Variants in IMMP2L observed in about 807,000 individuals in gnomAD.
The protein encoded by IMMP2L is mitochondrial inner membrane protease subunit 2.
A neutral mutation model predicts 19.3 loss-of-function variants in IMMP2L; 18 were observed. The ratio of observed to expected loss-of-function variants is 0.93; its 90% CI spans 0.64 to 1.38. The LOEUF (loss-of-function observed/expected upper bound fraction) is 1.38. Among genes scored for constraint, IMMP2L ranks in the 40% most tolerant of loss-of-function variants. The probability of loss-of-function intolerance (pLI) is 0.00; values close to 1 mark genes in which losing one functional copy is unlikely to be tolerated. For missense variants in IMMP2L, 233 were observed against 218.2 expected (o/e 1.07, Z -0.43); for synonymous variants, 76 against 73.0 (o/e 1.04, Z -0.21).
intron 3 of IMMP2L, among the ~76,000 whole-genome samples, chr7:111,057,519 G>A (rs1040723306): frequency 6.6e-6 from 1 of 152,078 alleles, no homozygotes; most frequent in African/African-American, 2.4e-5. Context: ...TATGCCATGG[G>A]CATTTATTGT....
In IMMP2L at chr7:111,537,527, C is replaced by CT. The variant is rs5886594; in HGVS notation, c.-2-16079dup. Among the ~76,000 whole-genome samples, 233 of 78,602 alleles carry CT rather than the reference C, an allele frequency of 3.0e-3. 15 individuals carry two copies. Among genetic ancestry groups the CT allele is most frequent in the East Asian group, 4.2e-3 (13 of 3,092 alleles). The allele number at this position is 78,602 out of a possible 152,430, so 51.6% of individuals were successfully genotyped here. ...TAGATTCCTAGTCTCATCACTTCCA[C>CT]TTTTTTTTTTTTTTTTTTTTTTTTT... On this transcript the variant is annotated intron_variant, in intron 1 of 5. Coordinates refer to ENST00000405709, the MANE Select transcript of IMMP2L (RefSeq NM_032549.4).
intron 3 of IMMP2L, among the ~76,000 whole-genome samples, chr7:111,145,682 A>C (rs887514810): frequency 1.3e-5 from 2 of 152,122 alleles, no homozygotes; most frequent in Non-Finnish European, 2.9e-5. Context: ...CGTCAGGGTG[A>C]ATGCTGAGTC....
chr7:110,673,979 G>T (rs1371557240), intron 5 of IMMP2L, among the ~76,000 whole-genome samples: 1 of 151,930 alleles, frequency 6.6e-6, no homozygotes, highest in African/African-American at 2.4e-5. Flanking sequence ...TACTTTTTGG[G>T]GTATCTTTAA....
rs1824342319 is a variant in IMMP2L at position 111,318,470 on chromosome 7, T to C, written c.239+168768A>G. On this transcript the variant is annotated intron_variant, in intron 3 of 5. Coordinates refer to ENST00000405709, the MANE Select transcript of IMMP2L (RefSeq NM_032549.4). ...TGGGAAGCAACTCCCCAGGAAAAGA[T>C]TTTACCATAGAAATCATCATCATCA... Among the ~76,000 whole-genome samples the C allele has an allele frequency of 1.3e-5, 2 of 152,094 alleles. 1 individual carries two copies. Among genetic ancestry groups the C allele is most frequent in the South Asian group, 4.1e-4 (2 of 4,822 alleles).
intron 5 of IMMP2L, among the ~76,000 whole-genome samples, chr7:110,882,430 C>T (rs1022773438): frequency 2.0e-5 from 3 of 151,326 alleles, no homozygotes; most frequent in South Asian, 2.1e-4. Context: ...TCCCAGGCTC[C>T]GGTGCAATGG....
At chr7:111,126,757 A>G (rs1456133869) in intron 3 of IMMP2L, among the ~76,000 whole-genome samples, 1 of 152,168 alleles carries the variant, frequency 6.6e-6, no homozygotes. Flanking sequence ...TACAAAGCAA[A>G]CATTCTGAGA....
chr7:110,899,577 C>T (rs2129547056), intron 4 of IMMP2L, among the ~76,000 whole-genome samples: 1 of 152,216 alleles, frequency 6.6e-6, no homozygotes, highest in African/African-American at 2.4e-5. Context: ...TTGCTTCAGC[C>T]TACATGAACC....
At chr7:111,321,123 T>C (rs1322130608) in intron 3 of IMMP2L, among the ~76,000 whole-genome samples, 2 of 151,968 alleles carry the variant, frequency 1.3e-5, no homozygotes, top group African/African-American at 4.8e-5. Flanking sequence ...TGTCATAAAT[T>C]TCAGGGCAAT....
chr7:111,088,634 G>A (rs1412553767), intron 3 of IMMP2L, among the ~76,000 whole-genome samples: 1 of 152,152 alleles, frequency 6.6e-6, no homozygotes, highest in Non-Finnish European at 1.5e-5. Context: ...TGTGTGCTAA[G>A]ATTCCATGGT....
rs142555974 is a variant in IMMP2L at position 110,676,026 on chromosome 7, A to G, written c.409-12305T>C. Among the ~76,000 whole-genome samples the G allele has an allele frequency of 5.5e-3, 833 of 152,318 alleles. 7 individuals carry two copies. Among genetic ancestry groups the G allele is most frequent in the African/African-American group, 0.017 (721 of 41,566 alleles). The stretch of plus-strand genomic sequence containing the variant: ...CTGCAGTATAGATATTACTAATTGC[A>G]TTTTGCAAAAGAAAAAAATAAAGCT... On this transcript the variant is annotated intron_variant, in intron 5 of 5. Transcript: ENST00000405709.
At chr7:111,259,510 A>G (rs150889785) in intron 3 of IMMP2L, among the ~76,000 whole-genome samples, 1 of 152,198 alleles carries the variant, frequency 6.6e-6, no homozygotes, top group Non-Finnish European at 1.5e-5. Context: ...GTGGTGGCAC[A>G]TGCCTGTAGT....
intron 3 of IMMP2L, among the ~76,000 whole-genome samples, chr7:111,419,117 T>TA (rs1835231055): frequency 6.6e-6 from 1 of 151,878 alleles, no homozygotes. Flanking sequence ...ATTGCATTTA[T>TA]ATAATTGCCT....
chr7:111,329,361 T>A (rs966741196), intron 3 of IMMP2L, among the ~76,000 whole-genome samples: 1 of 151,866 alleles, frequency 6.6e-6, no homozygotes, highest in Non-Finnish European at 1.5e-5. Flanking sequence ...AAAGTACTTG[T>A]AAATATAAAT....
intron 3 of IMMP2L, among the ~76,000 whole-genome samples, chr7:111,095,676 C>A (rs1338418375): frequency 6.6e-6 from 1 of 151,988 alleles, no homozygotes; most frequent in East Asian, 1.9e-4. Flanking sequence ...TACAGAGACT[C>A]AGCTATTGAT....
intron 3 of IMMP2L, among the ~76,000 whole-genome samples, chr7:111,201,427 G>T (rs2129615486): frequency 6.6e-6 from 1 of 152,120 alleles, no homozygotes; most frequent in South Asian, 2.1e-4. Context: ...GTATTAAGAG[G>T]TGGAGCCTCT....
chr7:110,991,144 A>G (rs1822408616), intron 3 of IMMP2L, among the ~76,000 whole-genome samples: 1 of 152,170 alleles, frequency 6.6e-6, no homozygotes, highest in African/African-American at 2.4e-5. Flanking sequence ...TCTACAGAAG[A>G]TTAATAAATG....
rs1235090694 is a variant in IMMP2L, at chr7:111,269,411, C to T, written c.239+217827G>A. 2.0e-5 allele frequency among the ~76,000 whole-genome samples: 3 copies of T among 152,108 alleles called. No individual in the cohort carries two copies. In the East Asian group the frequency reaches 5.8e-4, roughly 29 times the overall value. ...ATCAAGTATATATCATCTTGAAAGA[C>T]ATGCAAGTATGCAAATAAATGTAAA... On this transcript the variant is annotated intron_variant, in intron 3 of 5. Transcript: ENST00000405709.
chr7:111,136,051 C>T (rs948622356), intron 3 of IMMP2L, among the ~76,000 whole-genome samples: 9 of 149,704 alleles, frequency 6.0e-5, no homozygotes, highest in South Asian at 2.1e-4. Context: ...TTTTTTGAGA[C>T]GGAGTCTTGC....
rs575116182 is a variant in IMMP2L at position 111,161,623 on chromosome 7, G to A, written c.240-198058C>T. On this transcript the variant is annotated intron_variant, in intron 3 of 5. Transcript: ENST00000405709. ...TGAATGTTTTAGGTATCCTATCATG[G>A]TATATTCAAATTTCACAAATGCTTC... 4.6e-5 allele frequency among the ~76,000 whole-genome samples: 7 copies of A among 151,954 alleles called. No homozygotes were observed. The South Asian group carries it at 1.0e-3, about 23-fold the overall frequency.
Sources: gnomAD v4.1 joint callset for allele counts (sites outside exome capture counted in the v4.1 genomes callset) on GRCh38, gnomAD v4.1.1 for gene constraint, MANE v1.5 for transcripts, NCBI Gene and HGNC (gene_info 2026-07-23, HGNC 2026-07-21) for gene names.